LIFR: variants seen among roughly 807,000 people sequenced by gnomAD.
The protein encoded by LIFR is leukemia inhibitory factor receptor.
LIFR carries 84 observed loss-of-function variants against 122.2 expected under a neutral mutation model. That is an observed-to-expected ratio of 0.69 (90% CI 0.58 to 0.82). The LOEUF (loss-of-function observed/expected upper bound fraction) is 0.82, where lower values mean the gene tolerates loss of function less well. Among genes scored for constraint, LIFR ranks in the 40% least tolerant of loss-of-function variants. The probability of loss-of-function intolerance (pLI) is 0.00; values close to 1 mark genes in which losing one functional copy is unlikely to be tolerated. For synonymous variants in LIFR, 422 were observed against 434.7 expected (o/e 0.97, Z 0.36); for missense variants, 1,294 against 1,311.6 (o/e 0.99, Z 0.21).
chr5:38,543,038 T>C (rs1251700783), intron 1 of LIFR, among the ~76,000 whole-genome samples: 1 of 151,690 alleles, frequency 6.6e-6, no homozygotes, highest in East Asian at 1.9e-4. Flanking sequence ...TACAAATGGC[T>C]AAAAAAGATG....
chr5:38,505,864 TTTAAAG>T, intron 9 of LIFR, 35 bp downstream of exon 9: 1 of 1,408,484 alleles, frequency 7.1e-7, no homozygotes, highest in East Asian at 2.3e-5. Flanking sequence ...TTTCACCACT[TTTAAAG>T]TTATTTTTAA....
intron 1 of LIFR, among the ~76,000 whole-genome samples, chr5:38,562,396 T>G (rs1278760389): frequency 6.6e-6 from 1 of 152,224 alleles, no homozygotes; most frequent in Non-Finnish European, 1.5e-5. Flanking sequence ...TATTCTTATA[T>G]TCTTATTCTT....
At chr5:38,584,347 G>C (rs769447027) in intron 1 of LIFR, among the ~76,000 whole-genome samples, 1 of 151,804 alleles carries the variant, frequency 6.6e-6, no homozygotes, top group Non-Finnish European at 1.5e-5. Context: ...CCCTCTTCTG[G>C]GTATACACAC....
intron 1 of LIFR, among the ~76,000 whole-genome samples, chr5:38,563,745 C>G (rs1294718412): frequency 6.6e-6 from 1 of 152,118 alleles, no homozygotes; most frequent in African/African-American, 2.4e-5. Context: ...ACAAATCAGG[C>G]AAAGAGGTTC....
rs1361140825 is a variant in LIFR at position 38,489,197 on chromosome 5, G to A, written c.2216C>T (p.Ser739Leu). Residue 739 changes from serine (S) to leucine (L), a missense_variant, in exon 16 of 20, where the codon TCG becomes TTG. Physicochemically the swap from Ser to Leu is moderately radical, Grantham distance 145 (BLOSUM62 -2). Coordinates refer to ENST00000453190, the MANE Select transcript of LIFR (RefSeq NM_001127671.2). ...NFTVEDTSAD[S>L]ILVKWEDIPV... is the part of the protein sequence containing the mutation. Reference sequence around the variant, plus strand: ...AATGTCTTCCCATTTTACTAATATCGAATCTGCAGAAGTATCCTCAACAGT... The same window carrying A: ...AATGTCTTCCCATTTTACTAATATCAAATCTGCAGAAGTATCCTCAACAGT... 3.1e-6 allele frequency: 5 copies of A among 1,612,752 alleles called. No individual in the cohort carries two copies. Among genetic ancestry groups the A allele is most frequent in the Admixed American group, 1.7e-5 (1 of 59,972 alleles).
chr5:38,519,714 A>G (rs1396339116), intron 5 of LIFR, among the ~76,000 whole-genome samples: 1 of 152,118 alleles, frequency 6.6e-6, no homozygotes. Flanking sequence ...GTGAGTGAGA[A>G]CATACTATAT....
chr5:38,517,856 C>CAAAAAAAAAAAAAAAAAAAAAAAA lies in LIFR; in HGVS notation c.561+5539_561+5562dup, dbSNP rs572954936. Among the ~76,000 whole-genome samples the CAAAAAAAAAAAAAAAAAAAAAAAA allele has an allele frequency of 1.9e-3, 28 of 15,044 alleles. 3 individuals are homozygous for CAAAAAAAAAAAAAAAAAAAAAAAA. The highest frequency in any genetic ancestry group is 3.4e-3 in the South Asian group (1 of 296). The allele number at this position is 15,044 out of a possible 152,430, so 9.9% of individuals were successfully genotyped here. Reference sequence around the variant, plus strand: ...TGTGCAACAGAGCAAGACACTGTCTCAAAAAAAAAAAAAAAAAAAAAAAAA... The same window carrying CAAAAAAAAAAAAAAAAAAAAAAAA: ...TGTGCAACAGAGCAAGACACTGTCTCAAAAAAAAAAAAAAAAAAAAAAAAAAAAAAAAAAAAAAAAAAAAAAAAA... On this transcript the variant is annotated intron_variant, in intron 5 of 19. Coordinates refer to ENST00000453190, the MANE Select transcript of LIFR (RefSeq NM_001127671.2).
At position 38,499,538 on chromosome 5, in the gene LIFR, C is replaced by A; in HGVS notation, c.1646G>T (p.Gly549Val). 5 of 1,607,396 alleles carry A rather than the reference C, an allele frequency of 3.1e-6. No homozygotes were observed. Among genetic ancestry groups the A allele is most frequent in the Non-Finnish European group, 4.3e-6 (5 of 1,173,952 alleles). The change falls in exon 12 of 20, where the codon GGA (glycine) becomes GTA (valine). Residue 549 changes from glycine to valine, a missense_variant. Coordinates refer to ENST00000453190, the MANE Select transcript of LIFR (RefSeq NM_001127671.2). ...CTTCCAATAGATTATTAAATTTTTTCCATCAGAACTCCACTCTCTCCAAGT... is the reference window on the plus strand; with the variant it reads ...CTTCCAATAGATTATTAAATTTTTTACATCAGAACTCCACTCTCTCCAAGT... ...PDTWREWSSDGKNLIIYWKPL... is the reference protein window; with the variant it reads ...PDTWREWSSDVKNLIIYWKPL...
At chr5:38,506,128 A>G in intron 8 of LIFR, 54 bp from the exon 9 acceptor site, 2 of 1,215,268 alleles carry the variant, frequency 1.6e-6, no homozygotes, top group South Asian at 1.3e-5. Flanking sequence ...ATATTGCAGG[A>G]AAAAACGGGC....
chr5:38,549,441 T>A (rs1465876028), intron 1 of LIFR, among the ~76,000 whole-genome samples: 1 of 152,218 alleles, frequency 6.6e-6, no homozygotes, highest in Non-Finnish European at 1.5e-5. Flanking sequence ...CCACAATTCA[T>A]TTAATGAGTC....
At chr5:38,541,739 C>T (rs571006634) in intron 1 of LIFR, among the ~76,000 whole-genome samples, 1 of 152,246 alleles carries the variant, frequency 6.6e-6, no homozygotes, top group East Asian at 1.9e-4. Flanking sequence ...AGCAAATATA[C>T]AGGGTGTAAT....
chr5:38,606,788 C>T (rs112949316), intron 1 of LIFR, among the ~76,000 whole-genome samples: 3 of 152,242 alleles, frequency 2.0e-5, no homozygotes, highest in African/African-American at 7.2e-5. Context: ...ATCAAGGACA[C>T]TTTCTTTTTT....
chr5:38,561,448 G>A (rs986065129), upstream of LIFR, among the ~76,000 whole-genome samples: 2 of 152,094 alleles, frequency 1.3e-5, no homozygotes, highest in African/African-American at 4.8e-5. Flanking sequence ...TACCTACCTC[G>A]TAGGGTTGTA....
At chr5:38,600,365 C>A (rs1352540539), upstream of LIFR, among the ~76,000 whole-genome samples, 1 of 152,224 alleles carries the variant, frequency 6.6e-6, no homozygotes, top group Admixed American at 6.5e-5. Flanking sequence ...TAAATCTCTT[C>A]AAATACTCTA....
intron 5 of LIFR, among the ~76,000 whole-genome samples, chr5:38,521,686 T>C (rs766830113): frequency 1.3e-5 from 2 of 152,088 alleles, no homozygotes; most frequent in African/African-American, 2.4e-5. Context: ...GTGTGGGTGA[T>C]GGCAGTAGCA....
intron 1 of LIFR, among the ~76,000 whole-genome samples, chr5:38,551,974 T>C (rs983104809): frequency 5.3e-5 from 8 of 152,224 alleles, no homozygotes; most frequent in African/African-American, 1.9e-4. Flanking sequence ...AACTCGGGCA[T>C]CTAAGCCTCT....
Position 38,475,185 on chromosome 5 carries a change from GA to G in LIFR, c.*6409del, listed in dbSNP as rs1324522711. 5.4e-6 allele frequency: 1 copy of G among 185,046 alleles called. No individual in the cohort carries two copies. Among genetic ancestry groups the G allele is most frequent in the Non-Finnish European group, 1.1e-5 (1 of 87,424 alleles). The allele number at this position is 185,046 out of a possible 1,614,324, so 11.5% of individuals were successfully genotyped here. A position where few individuals can be genotyped will look rare whatever the true frequency, so the allele number is the denominator to read the frequency against. On this transcript the variant is annotated 3_prime_UTR_variant, in exon 20 of 20. Transcript: ENST00000453190. ...AAACTAAATTCTGAAATTATACAAT[GA>G]TATAAAGTGTCCAAATTTCCCATTC... is the stretch of plus-strand genomic sequence containing the variant.
intron 2 of LIFR, among the ~76,000 whole-genome samples, chr5:38,605,135 C>T (rs954684840): frequency 1.2e-4 from 19 of 152,146 alleles, no homozygotes; most frequent in Admixed American, 4.6e-4. Context: ...GATACTAATA[C>T]TGGAGGGGTA....
intron 5 of LIFR, among the ~76,000 whole-genome samples, chr5:38,517,114 A>G (rs1450031027): frequency 2.0e-5 from 3 of 152,128 alleles, no homozygotes; most frequent in African/African-American, 7.2e-5. Context: ...TAGATGATGG[A>G]TTGATGAGTG....
Sources: allele counts gnomAD v4.1 joint callset (sites outside exome capture counted in the v4.1 genomes callset), GRCh38; gene constraint gnomAD v4.1.1; transcripts MANE v1.5; gene names NCBI Gene and HGNC (gene_info 2026-07-23, HGNC 2026-07-21).